The following SNTG1 variants were observed in gnomAD, a reference collection of about 807,000 sequenced individuals.
The protein encoded by SNTG1 is gamma-1-syntrophin.
A neutral mutation model predicts 74.7 loss-of-function variants in SNTG1; 39 were observed. The ratio of observed to expected loss-of-function variants is 0.52; its 90% CI spans 0.40 to 0.68. SNTG1 has a LOEUF of 0.68. SNTG1 is among the 30% of genes least tolerant of loss of function. The pLI, the probability that SNTG1 is intolerant of heterozygous loss-of-function variation, is 0.00. For missense variants in SNTG1, 685 were observed against 609.5 expected, an observed-to-expected ratio of 1.12 and a Z score of -1.30; for synonymous variants, 254 against 217.1, an observed-to-expected ratio of 1.17 and a Z score of -1.49.
At chr8:50,375,559 A>C (rs1477503256) in intron 2 of SNTG1, among the ~76,000 whole-genome samples, 1 of 152,170 alleles carries the variant, frequency 6.6e-6, no homozygotes, top group Non-Finnish European at 1.5e-5. Context: ...TTTAGGCTGA[A>C]TCACTTAAAA....
At chr8:50,609,395 A>C (rs1347854619) in intron 13 of SNTG1, among the ~76,000 whole-genome samples, 1 of 152,146 alleles carries the variant, frequency 6.6e-6, no homozygotes, top group African/African-American at 2.4e-5. Flanking sequence ...ATTTTCTGAT[A>C]TAAAGTTAGC....
chr8:50,610,982 A>AG (rs2094845730), intron 13 of SNTG1, among the ~76,000 whole-genome samples: 1 of 151,882 alleles, frequency 6.6e-6, no homozygotes, highest in African/African-American at 2.4e-5. Context: ...ATAGCAAAAA[A>AG]AAATTAAACT....
At chr8:50,177,800 A>G (rs1331819493) in intron 2 of SNTG1, among the ~76,000 whole-genome samples, 1 of 152,196 alleles carries the variant, frequency 6.6e-6, no homozygotes, top group Non-Finnish European at 1.5e-5. Context: ...AATGCATATC[A>G]TGGAACCATC....
At chr8:50,638,197 G>C (rs538871189) in intron 13 of SNTG1, among the ~76,000 whole-genome samples, 39 of 152,166 alleles carry the variant, frequency 2.6e-4, no homozygotes, top group South Asian at 2.1e-4. Context: ...CATCTCTAGA[G>C]CTTCTTGAAT....
chr8:49,935,977 A>T (rs920488647), intron 1 of SNTG1, among the ~76,000 whole-genome samples: 3 of 152,212 alleles, frequency 2.0e-5, no homozygotes, highest in Non-Finnish European at 4.4e-5. Flanking sequence ...TGGCATTTAC[A>T]TTTTAAAGGG....
intron 2 of SNTG1, among the ~76,000 whole-genome samples, chr8:50,320,537 G>GT (rs35620325): frequency 0.53 from 79,816 of 149,310 alleles, 23,513 homozygotes; most frequent in East Asian, 0.85. Context: ...CTTTATTATT[G>GT]TTTTTTTTTA....
At chr8:50,666,238 A>G (rs1207725929) in intron 15 of SNTG1, among the ~76,000 whole-genome samples, 1 of 152,148 alleles carries the variant, frequency 6.6e-6, no homozygotes. Flanking sequence ...TGAATGTCCT[A>G]TTTTCTTCAA....
chr8:50,524,613 A>G (rs190608423), intron 9 of SNTG1, among the ~76,000 whole-genome samples: 1 of 152,228 alleles, frequency 6.6e-6, no homozygotes, highest in East Asian at 1.9e-4. Context: ...CCTGCCGCAA[A>G]TCAAAATTGT....
intron 18 of SNTG1, among the ~76,000 whole-genome samples, chr8:50,752,486 T>C (rs2095570054): frequency 6.6e-6 from 1 of 151,956 alleles, no homozygotes; most frequent in South Asian, 2.1e-4. Flanking sequence ...ATATTTACAT[T>C]TTATTTACAT....
chr8:50,555,433 A>T (rs2130630896), intron 12 of SNTG1, among the ~76,000 whole-genome samples: 1 of 152,352 alleles, frequency 6.6e-6, no homozygotes, highest in Middle Eastern at 3.4e-3. Context: ...AGAAGGCAGA[A>T]TGCATTGATG....
intron 1 of SNTG1, among the ~76,000 whole-genome samples, chr8:50,023,342 A>G (rs1268480742): frequency 6.6e-6 from 1 of 152,162 alleles, no homozygotes; most frequent in Non-Finnish European, 1.5e-5. Context: ...ACTCATAGCT[A>G]TGGATTTGAA....
At chr8:50,492,604 T>C (rs2131891655) in intron 8 of SNTG1, among the ~76,000 whole-genome samples, 2 of 152,310 alleles carry the variant, frequency 1.3e-5, no homozygotes, top group East Asian at 3.9e-4. Context: ...TCCTTGTAAA[T>C]TTGTTTAAGT....
Position 50,100,707 on chromosome 8 carries a change from T to A in SNTG1, c.-102-71854T>A, listed in dbSNP as rs2080089780. On this transcript the variant is annotated intron_variant, in intron 1 of 18. Transcript: ENST00000642720. The stretch of plus-strand genomic sequence containing the variant: ...TATCTAGATTTTTCTTCATAAACAG[T>A]ACTTGGTATGCATTTTCTATGTCAT... Among the ~76,000 whole-genome samples the A allele has an allele frequency of 3.3e-5, 5 of 152,300 alleles. No individual in the cohort carries two copies. In the South Asian group the frequency reaches 1.0e-3, roughly 32 times the overall value.
At chr8:50,138,118 T>C (rs2081535082) in intron 1 of SNTG1, among the ~76,000 whole-genome samples, 1 of 152,124 alleles carries the variant, frequency 6.6e-6, no homozygotes, top group Non-Finnish European at 1.5e-5. Flanking sequence ...AATTGTGACT[T>C]CATAATAACC....
intron 2 of SNTG1, among the ~76,000 whole-genome samples, chr8:50,212,894 A>G (rs2084589714): frequency 1.3e-5 from 2 of 152,168 alleles, no homozygotes; most frequent in Admixed American, 1.3e-4. Context: ...AAGTTCTCAG[A>G]ACTATTCTGT....
chr8:50,175,210 T>C (rs1232868650), intron 2 of SNTG1, among the ~76,000 whole-genome samples: 1 of 152,118 alleles, frequency 6.6e-6, no homozygotes, highest in Non-Finnish European at 1.5e-5. Context: ...TGATTTATAG[T>C]CCTTTGGGTA....
chr8:49,939,880 G>A (rs1355359890), intron 1 of SNTG1, among the ~76,000 whole-genome samples: 4 of 152,056 alleles, frequency 2.6e-5, no homozygotes, highest in Non-Finnish European at 5.9e-5. Context: ...CAGGCCGAGA[G>A]CATCTCTTTT....
At chr8:50,194,726 C>G (rs1022764044) in intron 2 of SNTG1, among the ~76,000 whole-genome samples, 2 of 151,756 alleles carry the variant, frequency 1.3e-5, no homozygotes, top group African/African-American at 4.8e-5. Context: ...TTGGATTATT[C>G]TTGTTTTTCT....
intron 2 of SNTG1, among the ~76,000 whole-genome samples, chr8:50,248,927 A>G (rs2086520309): frequency 6.6e-6 from 1 of 152,140 alleles, no homozygotes; most frequent in Admixed American, 6.5e-5. Flanking sequence ...AAGTGACTAG[A>G]AAGAGATGCC....
Sources: allele counts gnomAD v4.1 joint callset (sites outside exome capture counted in the v4.1 genomes callset), GRCh38; gene constraint gnomAD v4.1.1; transcripts MANE v1.5; gene names NCBI Gene and HGNC (gene_info 2026-07-23, HGNC 2026-07-21).